Variants in SRGAP1 observed in about 807,000 individuals in gnomAD.
The protein encoded by SRGAP1 is SLIT-ROBO Rho GTPase activating protein 1.
In SRGAP1, 43 loss-of-function variants were observed where a neutral mutation model predicts 121.9. That is an observed-to-expected ratio of 0.35 (90% CI 0.28 to 0.46). SRGAP1 has a LOEUF of 0.46. Ranked by LOEUF, SRGAP1 falls within the 20% of genes least tolerant of loss-of-function variation. SRGAP1 has a pLI of 1.00. For synonymous variants in SRGAP1, 447 were observed against 485.4 expected, an observed-to-expected ratio of 0.92 and a Z score of 1.04; for missense variants, 1,102 against 1,350.9, an observed-to-expected ratio of 0.82 and a Z score of 2.89.
chr12:63,982,058 A>G (rs572393210), intron 1 of SRGAP1, among the ~76,000 whole-genome samples: 4 of 151,994 alleles, frequency 2.6e-5, no homozygotes, highest in Non-Finnish European at 5.9e-5. Flanking sequence ...CTAAAAATAT[A>G]AAAAATTAGC....
intron 1 of SRGAP1, among the ~76,000 whole-genome samples, chr12:63,913,584 CTT>C (rs918111726): frequency 1.1e-4 from 17 of 149,838 alleles, no homozygotes; most frequent in Admixed American, 5.3e-4. Flanking sequence ...AGGGTCAAGT[CTT>C]TTACAAAGCT....
chr12:64,134,477 G>A (rs929489419), intron 21 of SRGAP1, among the ~76,000 whole-genome samples: 3 of 151,466 alleles, frequency 2.0e-5, no homozygotes, highest in South Asian at 2.1e-4. Flanking sequence ...GCAAGGCATT[G>A]GTCAAGGACT....
At chr12:64,124,846 G>A (rs148654338) in intron 18 of SRGAP1, among the ~76,000 whole-genome samples, 1 of 151,926 alleles carries the variant, frequency 6.6e-6, no homozygotes, top group South Asian at 2.1e-4. Flanking sequence ...GAGAGATCTC[G>A]TATACCTTCT....
intron 4 of SRGAP1, among the ~76,000 whole-genome samples, chr12:64,024,618 C>T (rs1434889554): frequency 1.3e-5 from 2 of 152,096 alleles, no homozygotes; most frequent in Non-Finnish European, 2.9e-5. Flanking sequence ...TCCTAATGAG[C>T]GCTAACTCCA....
intron 1 of SRGAP1, among the ~76,000 whole-genome samples, chr12:63,961,030 T>A (rs56734177): frequency 0.06 from 9,082 of 152,298 alleles, 821 homozygotes; most frequent in African/African-American, 0.19. Context: ...GAGAAGCAGT[T>A]GGAAACATAT....
chr12:64,132,779 A>T (rs1565695342), intron 21 of SRGAP1, among the ~76,000 whole-genome samples: 1 of 152,254 alleles, frequency 6.6e-6, no homozygotes, highest in Non-Finnish European at 1.5e-5. Context: ...TGCGGAAGCA[A>T]AAAGCAATCA....
chr12:64,116,427 A>G (rs2036524780), intron 18 of SRGAP1, among the ~76,000 whole-genome samples: 1 of 152,090 alleles, frequency 6.6e-6, no homozygotes, highest in Admixed American at 6.6e-5. Flanking sequence ...CCCCCTCAGG[A>G]GTAACCACTA....
intron 1 of SRGAP1, among the ~76,000 whole-genome samples, chr12:63,894,114 C>T (rs571911448): frequency 1.3e-5 from 2 of 152,380 alleles, no homozygotes; most frequent in East Asian, 3.9e-4. Flanking sequence ...GCTGGGATTA[C>T]AGGCGTGAGC....
intron 1 of SRGAP1, among the ~76,000 whole-genome samples, chr12:63,948,736 CTATATATATTCCA>C (rs2032132210): frequency 6.8e-6 from 1 of 147,864 alleles, no homozygotes; most frequent in Non-Finnish European, 1.5e-5. Flanking sequence ...TACACACAGC[CTATATATATTCCA>C]TATATATATT....
At chr12:63,973,142 C>T (rs954092006) in intron 1 of SRGAP1, among the ~76,000 whole-genome samples, 10 of 152,034 alleles carry the variant, frequency 6.6e-5, no homozygotes, top group Admixed American at 1.3e-4. Flanking sequence ...AGTGAGGCTC[C>T]GTCTCAAAAG....
In SRGAP1 at chr12:63,844,925, C is replaced by G. The variant is rs769105085; in HGVS notation, c.67+42C>G. ...CTGCCTTGCTCCTTTTGTGTGCCTT[C>G]TTGTCATTGTGCTCGTGGAGTTGCG... On this transcript the variant is annotated intron_variant, in intron 1 of 21. Transcript: ENST00000355086. The surrounding 1 kb of genome is among the most constrained non-coding windows in gnomAD (Gnocchi z 4.3). 10 of 1,575,760 alleles carry G rather than the reference C, an allele frequency of 6.3e-6. No homozygotes were observed. Among genetic ancestry groups the G allele is most frequent in the Non-Finnish European group, 8.7e-6 (10 of 1,145,176 alleles).
intron 1 of SRGAP1, among the ~76,000 whole-genome samples, chr12:63,886,319 C>T (rs1900379915): frequency 6.6e-6 from 1 of 151,934 alleles, no homozygotes; most frequent in Non-Finnish European, 1.5e-5. Context: ...CCTTTGGCCT[C>T]TCAAGGTACT....
chr12:64,142,188 T>C (rs2036975339), intron 21 of SRGAP1, 107 bp from the exon 22 acceptor site: 10 of 1,147,992 alleles, frequency 8.7e-6, no homozygotes, highest in African/African-American at 1.5e-5. Context: ...GTCAAAGATA[T>C]CCATACTCTG....
chr12:64,092,466 A>G (rs1406698102), intron 12 of SRGAP1, among the ~76,000 whole-genome samples: 1 of 125,552 alleles, frequency 8.0e-6, no homozygotes, highest in African/African-American at 3.5e-5. Flanking sequence ...ACATACATAC[A>G]TATATACATA....
chr12:63,911,412 G>A (rs2030494897), intron 1 of SRGAP1, among the ~76,000 whole-genome samples: 1 of 151,900 alleles, frequency 6.6e-6, no homozygotes, highest in African/African-American at 2.4e-5. Flanking sequence ...CTAATGTGCT[G>A]GCAACATCTT....
chr12:63,899,588 T>TA (rs1392209954), intron 1 of SRGAP1, among the ~76,000 whole-genome samples: 2 of 152,130 alleles, frequency 1.3e-5, no homozygotes, highest in African/African-American at 4.8e-5. Context: ...CCACCCAGAT[T>TA]GGTTAACACC....
intron 1 of SRGAP1, among the ~76,000 whole-genome samples, chr12:63,853,375 T>A (rs933936635): frequency 1.3e-5 from 2 of 152,346 alleles, no homozygotes; most frequent in Non-Finnish European, 1.5e-5. Context: ...CTTTAGAAAG[T>A]CACTCAGCTG....
intron 11 of SRGAP1, among the ~76,000 whole-genome samples, chr12:64,088,064 G>A (rs1387930503): frequency 6.6e-6 from 1 of 152,160 alleles, no homozygotes; most frequent in Non-Finnish European, 1.5e-5. Context: ...GAAATAAGAC[G>A]CATTTAGAAC....
intron 4 of SRGAP1, among the ~76,000 whole-genome samples, chr12:64,024,601 G>A (rs1043624199): frequency 5.3e-5 from 8 of 152,178 alleles, no homozygotes; most frequent in African/African-American, 1.9e-4. Flanking sequence ...ATTCGACTTT[G>A]TTTTCTTCCT....
Sources: gnomAD v4.1 joint callset for allele counts (sites outside exome capture counted in the v4.1 genomes callset) on GRCh38, gnomAD v4.1.1 for gene constraint, Gnocchi (gnomAD v3.1) non-coding constraint, MANE v1.5 for transcripts, NCBI Gene and HGNC (gene_info 2026-07-23, HGNC 2026-07-21) for gene names.